IPP: variants seen among roughly 807,000 people sequenced by gnomAD.
The protein encoded by IPP is intracisternal A particle-promoted polypeptide, also known as actin-binding protein IPP.
A neutral mutation model predicts 64.1 loss-of-function variants in IPP; 41 were observed. The ratio of observed to expected loss-of-function variants is 0.64; its 90% confidence interval spans 0.50 to 0.83. IPP has a LOEUF of 0.83. Among genes scored for constraint, IPP ranks in the 40% least tolerant of loss-of-function variants. IPP has a pLI of 0.00. For synonymous variants in IPP, 214 were observed against 235.2 expected (o/e 0.91, Z 0.83); for missense variants, 649 against 703.0 (o/e 0.92, Z 0.87).
At position 45,729,655 on chromosome 1, in the gene IPP, A is replaced by T. The variant is rs1645878621; in HGVS notation, c.839T>A (p.Val280Asp). The part of the protein sequence containing the change: ...KFCSFLQTSK[V>D]RPRKKARKYL... ...CTTTCTTGCTTTCTTCCGAGGTCGA[A>T]CCTTAGATGTCTGCAGAAAACTACA... Residue 280 changes from valine to aspartate, a missense_variant, in exon 4 of 9, where the codon GTT becomes GAT. Physicochemically the swap from Val to Asp is radical, Grantham distance 152. Transcript: ENST00000396478. 2.5e-6 allele frequency: 4 copies of T among 1,613,218 alleles called. No homozygotes were observed. The African/African-American group carries it at 5.3e-5, about 22-fold the overall frequency.
intron 5 of IPP, among the ~76,000 whole-genome samples, chr1:45,726,621 C>T (rs373991670): frequency 2.1e-4 from 32 of 152,024 alleles, no homozygotes; most frequent in Admixed American, 1.2e-3. Context: ...TTGGTTTTTA[C>T]GTATCCAGTA....
In IPP at chr1:45,729,626, G is replaced by C; in HGVS notation, c.868C>G (p.Leu290Val). Residue 290 changes from leucine to valine, a missense_variant, in exon 4 of 9, where the codon CTG becomes GTG. Transcript: ENST00000396478. ...VRPRKKARKY[L>V]YAVGGYTRLQ... ...AGGGCTCTCTCACCTACTGCATACA[G>C]GTACTTTCTTGCTTTCTTCCGAGGT... 2 of 1,611,706 alleles carry C rather than the reference G, an allele frequency of 1.2e-6. No homozygotes were observed. The highest frequency in any genetic ancestry group is 1.7e-6 in the Non-Finnish European group (2 of 1,178,884).
intron 8 of IPP, among the ~76,000 whole-genome samples, chr1:45,707,673 A>G (rs1645529510): frequency 6.6e-6 from 1 of 152,152 alleles, no homozygotes; most frequent in Non-Finnish European, 1.5e-5. Flanking sequence ...GACAAACTGA[A>G]GCATAGAGAG....
intron 3 of IPP, among the ~76,000 whole-genome samples, chr1:45,735,621 ATTTT>A (rs1160000550): frequency 3.5e-5 from 2 of 57,464 alleles, no homozygotes; most frequent in African/African-American, 1.5e-4. Flanking sequence ...AGACCTGGCT[ATTTT>A]TTTTTTTTTT....
chr1:45,727,164 A>G (rs1034216082), intron 5 of IPP, among the ~76,000 whole-genome samples: 7 of 152,002 alleles, frequency 4.6e-5, no homozygotes, highest in African/African-American at 1.5e-4. Context: ...ATCTTCCCAC[A>G]TCATCCTCTC....
At chr1:45,738,870 A>G (rs1256947194) in intron 3 of IPP, among the ~76,000 whole-genome samples, 1 of 150,794 alleles carries the variant, frequency 6.6e-6, no homozygotes, top group African/African-American at 2.4e-5. Flanking sequence ...AAAAAACAAG[A>G]AAAAAATCTA....
At chr1:45,736,324 G>A (rs1240399645) in intron 3 of IPP, among the ~76,000 whole-genome samples, 2 of 151,782 alleles carry the variant, frequency 1.3e-5, no homozygotes, top group Non-Finnish European at 2.9e-5. Flanking sequence ...TTAAAGATAA[G>A]TAAAATCATT....
In IPP at chr1:45,707,462, T is replaced by C. The variant is rs572015136; in HGVS notation, c.1530+6784A>G. Among the ~76,000 whole-genome samples, 3 of 143,350 alleles carry C rather than the reference T, an allele frequency of 2.1e-5. No individual in the cohort carries two copies. In the South Asian group the frequency reaches 6.7e-4, roughly 32 times the overall value. The allele number at this position is 143,350 out of a possible 152,430, so 94.0% of individuals were successfully genotyped here. On this transcript the variant is annotated intron_variant, in intron 8 of 8. Transcript: ENST00000396478. ...AAAAAAGACATGACTTTAAAACTAA[T>C]ATTATTAATTGTTTGGGGAGCTAAA... is the stretch of plus-strand genomic sequence containing the variant.
At position 45,740,881 on chromosome 1, in the gene IPP, A is replaced by C; in HGVS notation, c.724+20T>G. On this transcript the variant is annotated intron_variant, in intron 3 of 8. Coordinates refer to ENST00000396478, the MANE Select transcript of IPP (RefSeq NM_005897.3). ...ACTGGATAATTAATCAACTAATTCG[A>C]TATATAGCAAAAAAGTTACCTTCTA... is the stretch of plus-strand genomic sequence containing the variant. The C allele has an allele frequency of 2.1e-6, 3 of 1,446,008 alleles. No individual in the cohort carries two copies. The allele number at this position is 1,446,008 out of a possible 1,614,324, so 89.6% of individuals were successfully genotyped here. A position where few individuals can be genotyped will look rare whatever the true frequency, so the allele number is the denominator to read the frequency against.
At chr1:45,734,376 G>A (rs1228862778) in intron 3 of IPP, among the ~76,000 whole-genome samples, 1 of 151,562 alleles carries the variant, frequency 6.6e-6, no homozygotes, top group Non-Finnish European at 1.5e-5. Flanking sequence ...GCAAGATTTA[G>A]GTAAATTTTT....
intron 8 of IPP, among the ~76,000 whole-genome samples, chr1:45,711,880 T>C (rs1204396669): frequency 6.6e-6 from 1 of 151,990 alleles, no homozygotes; most frequent in African/African-American, 2.4e-5. Context: ...CTTCAAAATA[T>C]GTGAAGCTAA....
chr1:45,711,868 A>T (rs1259914311), intron 8 of IPP, among the ~76,000 whole-genome samples: 1 of 152,348 alleles, frequency 6.6e-6, no homozygotes, highest in East Asian at 1.9e-4. Flanking sequence ...CTAATAATGG[A>T]TCTTCAAAAT....
chr1:45,708,829 C>G (rs961021817), intron 8 of IPP, among the ~76,000 whole-genome samples: 1 of 151,160 alleles, frequency 6.6e-6, no homozygotes, highest in African/African-American at 2.4e-5. Context: ...GCCAGTAGTT[C>G]GAGACCAGCC....
At chr1:45,695,434 T>A (rs1327550537), downstream of IPP, among the ~76,000 whole-genome samples, 1 of 152,070 alleles carries the variant, frequency 6.6e-6, no homozygotes, top group Admixed American at 6.6e-5. Flanking sequence ...GTGTTAGGAT[T>A]GCAGGCGTGA....
At position 45,719,210 on chromosome 1, in the gene IPP, A is replaced by T; in HGVS notation, c.1179T>A (p.Tyr393Ter). Residue 393 changes from tyrosine (Y) to a stop codon, truncating the protein, a stop_gained, in exon 6 of 9, where the codon TAT becomes TAA. Transcript: ENST00000396478. LOFTEE classifies it high-confidence loss of function. ...LGVCVCYGAI[Y>*]ALGGWVGAEI... Reference sequence around the variant, plus strand: ...ACTGAACAACATAATTACCCAAAGCATAGATAGCCCCATAACACACACACA... The same window carrying T: ...ACTGAACAACATAATTACCCAAAGCTTAGATAGCCCCATAACACACACACA... The T allele has an allele frequency of 1.2e-6, 2 of 1,614,090 alleles. No homozygotes were observed. The highest frequency in any genetic ancestry group is 8.5e-7 in the Non-Finnish European group (1 of 1,179,984).
chr1:45,738,850 A>AAAC (rs768638228), intron 3 of IPP, among the ~76,000 whole-genome samples: 23 of 139,130 alleles, frequency 1.7e-4, no homozygotes, highest in East Asian at 6.3e-4. Context: ...AAAAAAAAAA[A>AAAC]AAAAAAAAAA....
rs191893966 is a variant in IPP at position 45,736,890 on chromosome 1, A to G, written c.724+4011T>C. 3.0e-3 allele frequency among the ~76,000 whole-genome samples: 458 copies of G among 151,968 alleles called. 4 individuals are homozygous for G. Among genetic ancestry groups the G allele is most frequent in the East Asian group, 0.022 (116 of 5,172 alleles). On this transcript the variant is annotated intron_variant, in intron 3 of 8. Coordinates refer to ENST00000396478, the MANE Select transcript of IPP (RefSeq NM_005897.3). ...CCGTCTCTGCTAAAAATACAAAAAA[A>G]AAATTAGCCGGGCGTGGTGGCGGGC... is the stretch of plus-strand genomic sequence containing the variant.
intron 2 of IPP, among the ~76,000 whole-genome samples, chr1:45,745,357 A>C (rs538292875): frequency 1.3e-5 from 2 of 152,186 alleles, no homozygotes; most frequent in East Asian, 1.9e-4. Context: ...AATACATATA[A>C]GTTTTTTTGG....
chr1:45,699,203 G>A lies in IPP; in HGVS notation c.*763C>T. The A allele has an allele frequency of 1.0e-6, 1 of 985,200 alleles. No homozygotes were observed. Among genetic ancestry groups the A allele is most frequent in the Non-Finnish European group, 1.2e-6 (1 of 829,830 alleles). The allele number at this position is 985,200 out of a possible 1,614,324, so 61.0% of individuals were successfully genotyped here. A position where few individuals can be genotyped will look rare whatever the true frequency, so the allele number is the denominator to read the frequency against. ...AAAAAGGTATCTATCTATTAAAATAGCTAGATATTTCCCAAACACCCCTCC... is the reference window on the plus strand; with the variant it reads ...AAAAAGGTATCTATCTATTAAAATAACTAGATATTTCCCAAACACCCCTCC... On this transcript the variant is annotated 3_prime_UTR_variant, in exon 9 of 9. Coordinates refer to ENST00000396478, the MANE Select transcript of IPP (RefSeq NM_005897.3).
Sources: allele counts gnomAD v4.1 joint callset (sites outside exome capture counted in the v4.1 genomes callset), GRCh38; gene constraint gnomAD v4.1.1; transcripts MANE v1.5; gene names NCBI Gene and HGNC (gene_info 2026-07-23, HGNC 2026-07-21).